RTL4: variants seen among roughly 807,000 people sequenced by gnomAD.
RTL4 encodes retrotransposon Gag-like protein 4.
RTL4 carries 4 observed loss-of-function variants against 5.3 expected under a neutral mutation model. The ratio of observed to expected loss-of-function variants is 0.75; its 90% CI spans 0.37 to 1.72. The LOEUF (loss-of-function observed/expected upper bound fraction) is 1.72, where lower values mean the gene tolerates loss of function less well. Ranked by LOEUF, RTL4 falls within the 40% of genes most tolerant of loss-of-function variation. The pLI is 0.04. For synonymous variants in RTL4, 98 were observed against 87.3 expected, an observed-to-expected ratio of 1.12 and a Z score of -0.68; for missense variants, 260 against 227.1, an observed-to-expected ratio of 1.14 and a Z score of -0.93.
the RTL4 span, among the ~76,000 whole-genome samples, chrX:112,098,795 A>G: frequency 8.9e-6 from 1 of 111,869 alleles, no homozygotes; most frequent in African/African-American, 3.2e-5. Flanking sequence ...ACGATTCCCT[A>G]TTTAATAAAT....
the RTL4 span, among the ~76,000 whole-genome samples, chrX:112,088,781 G>A: frequency 8.9e-6 from 1 of 112,088 alleles, no homozygotes; most frequent in Non-Finnish European, 1.9e-5. Flanking sequence ...ATCTCATTGC[G>A]GATTTGGTTT....
chrX:112,307,270 G>A, the RTL4 span, among the ~76,000 whole-genome samples: 1 of 109,940 alleles, frequency 9.1e-6, no homozygotes, highest in Admixed American at 9.7e-5. Flanking sequence ...AACTCTTATT[G>A]TGCCTACTTG....
the RTL4 span, among the ~76,000 whole-genome samples, chrX:112,113,960 A>G: frequency 9.0e-6 from 1 of 111,075 alleles, no homozygotes; most frequent in African/African-American, 3.3e-5. Context: ...CGAGGTTGCC[A>G]GTTTTAATAA....
At chrX:112,268,016 T>G in the RTL4 span, among the ~76,000 whole-genome samples, 1 of 111,408 alleles carries the variant, frequency 9.0e-6, no homozygotes, top group African/African-American at 3.3e-5. Flanking sequence ...ATGAACATTT[T>G]GAAACATAAG....
the RTL4 span, among the ~76,000 whole-genome samples, chrX:112,366,393 A>C: frequency 6.7e-3 from 744 of 111,424 alleles, 4 homozygotes; most frequent in African/African-American, 0.023. Flanking sequence ...ACTCCAATAC[A>C]TGCATTGGCA....
At chrX:112,367,858 C>A in the RTL4 span, among the ~76,000 whole-genome samples, 1 of 111,659 alleles carries the variant, frequency 9.0e-6, no homozygotes, top group Non-Finnish European at 1.9e-5. Flanking sequence ...GATATGATGT[C>A]TAAGTTAATA....
chrX:112,279,856 A>G, the RTL4 span, among the ~76,000 whole-genome samples: 2 of 111,858 alleles, frequency 1.8e-5, no homozygotes. Flanking sequence ...GGTGGAATTA[A>G]TGATAAGTAT....
At chrX:112,361,123 A>C in the RTL4 span, among the ~76,000 whole-genome samples, 6 of 111,247 alleles carry the variant, frequency 5.4e-5, no homozygotes, top group Non-Finnish European at 1.1e-4. Context: ...GCAAAAACTA[A>C]ATCCAAAATT....
chrX:112,228,996 C>T, the RTL4 span, among the ~76,000 whole-genome samples: 17 of 111,821 alleles, frequency 1.5e-4, no homozygotes, highest in South Asian at 4.1e-3. Flanking sequence ...CTATATGAGG[C>T]GAGTGAAGCT....
At chrX:112,215,105 A>C in the RTL4 span, among the ~76,000 whole-genome samples, 1 of 111,601 alleles carries the variant, frequency 9.0e-6, no homozygotes, top group Non-Finnish European at 1.9e-5. Context: ...GATTTTTAAA[A>C]GATTATTTAT....
chrX:112,286,902 G>A, the RTL4 span, among the ~76,000 whole-genome samples: 3 of 111,423 alleles, frequency 2.7e-5, no homozygotes, highest in Non-Finnish European at 5.7e-5. Context: ...ATCACCACAT[G>A]GAATGACCTT....
the RTL4 span, among the ~76,000 whole-genome samples, chrX:112,116,579 A>T: frequency 1.2e-4 from 13 of 111,922 alleles, no homozygotes; most frequent in South Asian, 3.8e-4. Flanking sequence ...AGCTAGCCAC[A>T]GAGTGCTGAG....
the RTL4 span, among the ~76,000 whole-genome samples, chrX:112,446,568 C>G: frequency 8.9e-6 from 1 of 112,332 alleles, no homozygotes; most frequent in South Asian, 3.7e-4. Context: ...AAGGAATAGG[C>G]CGGGCTCAGT....
At chrX:112,428,222 T>C in the RTL4 span, among the ~76,000 whole-genome samples, 3 of 112,007 alleles carry the variant, frequency 2.7e-5, no homozygotes, top group Non-Finnish European at 1.9e-5. Context: ...AAATTGTGCT[T>C]TTATAAACGT....
the RTL4 span, among the ~76,000 whole-genome samples, chrX:112,289,347 T>G: frequency 8.9e-6 from 1 of 112,674 alleles, no homozygotes; most frequent in African/African-American, 3.2e-5. Flanking sequence ...AACTAAGGAT[T>G]ACAATGAAGA....
the RTL4 span, among the ~76,000 whole-genome samples, chrX:112,135,731 A>G: frequency 1.8e-5 from 2 of 110,351 alleles, no homozygotes; most frequent in South Asian, 3.8e-4. Context: ...TTGCATATGC[A>G]TATCCAAGTT....
At chrX:112,095,802 G>C in the RTL4 span, among the ~76,000 whole-genome samples, 1 of 111,461 alleles carries the variant, frequency 9.0e-6, no homozygotes, top group African/African-American at 3.3e-5. Context: ...TGAAAGAAGA[G>C]ATAATTGGAA....
the RTL4 span, among the ~76,000 whole-genome samples, chrX:112,170,086 T>C: frequency 8.9e-6 from 1 of 112,268 alleles, no homozygotes; most frequent in Non-Finnish European, 1.9e-5. Flanking sequence ...TGGTATTATT[T>C]CTGAATTCTT....
chrX:112,178,435 G>A, the RTL4 span, among the ~76,000 whole-genome samples: 1 of 111,580 alleles, frequency 9.0e-6, no homozygotes, highest in Non-Finnish European at 1.9e-5. Context: ...CTTAGTAACA[G>A]CAATATATCA....
Sources: allele counts gnomAD v4.1 joint callset (sites outside exome capture counted in the v4.1 genomes callset), GRCh38; gene constraint gnomAD v4.1.1; transcripts MANE v1.5; gene names NCBI Gene and HGNC (gene_info 2026-07-23, HGNC 2026-07-21).